SDK1: variants seen among roughly 807,000 people sequenced by gnomAD.
The protein encoded by SDK1 is sidekick cell adhesion molecule 1, also known as protein sidekick-1.
In SDK1, 157 loss-of-function variants were observed where a neutral mutation model predicts 245.5. The observed-to-expected ratio is 0.64, with a 90% confidence interval of 0.56 to 0.73. The LOEUF (loss-of-function observed/expected upper bound fraction) is 0.73. Among genes scored for constraint, SDK1 ranks in the 30% least tolerant of loss-of-function variants. SDK1 has a pLI of 0.00. For synonymous variants in SDK1, 1,647 were observed against 1,278.5 expected, an observed-to-expected ratio of 1.29 and a Z score of -6.15; for missense variants, 3,583 against 3,002.3, an observed-to-expected ratio of 1.19 and a Z score of -4.52.
rs193052613 is a variant in SDK1 at position 3,409,943 on chromosome 7, A to G, written c.298+108059A>G. 2.6e-4 allele frequency among the ~76,000 whole-genome samples: 39 copies of G among 152,246 alleles called. 1 individual carries two copies. The highest frequency in any genetic ancestry group is 2.8e-4 in the Non-Finnish European group (19 of 68,012). The stretch of plus-strand genomic sequence containing the variant: ...AGAGGTGATCATAACAGGAGCCACT[A>G]TTTGTTGAGTGCATACTAGCTACAG... On this transcript the variant is annotated intron_variant, in intron 1 of 44. Transcript: ENST00000404826.
At chr7:3,344,775 C>G (rs1780450097) in intron 1 of SDK1, among the ~76,000 whole-genome samples, 1 of 152,154 alleles carries the variant, frequency 6.6e-6, no homozygotes, top group Admixed American at 6.5e-5. Flanking sequence ...GCAGGAGTGT[C>G]CCTGGTAGTA....
chr7:3,858,696 A>C (rs1780608831), intron 5 of SDK1, among the ~76,000 whole-genome samples: 1 of 151,892 alleles, frequency 6.6e-6, no homozygotes, highest in African/African-American at 2.4e-5. Flanking sequence ...TTTAAAAGTA[A>C]GCAAAAAACG....
chr7:3,654,467 T>A (rs1783101506), intron 4 of SDK1, among the ~76,000 whole-genome samples: 1 of 152,150 alleles, frequency 6.6e-6, no homozygotes, highest in African/African-American at 2.4e-5. Context: ...TTCTTTCAGA[T>A]TGTCAGGTAG....
At chr7:3,973,640 C>A (rs144222416) in intron 12 of SDK1, among the ~76,000 whole-genome samples, 1 of 151,956 alleles carries the variant, frequency 6.6e-6, no homozygotes, top group Non-Finnish European at 1.5e-5. Flanking sequence ...TGCCTCCTGT[C>A]CAGACAACAC....
At chr7:3,734,966 G>C (rs898610983) in intron 4 of SDK1, among the ~76,000 whole-genome samples, 7 of 152,156 alleles carry the variant, frequency 4.6e-5, no homozygotes, top group African/African-American at 1.7e-4. Flanking sequence ...CTCCCGACGT[G>C]CACATCCCCT....
intron 4 of SDK1, among the ~76,000 whole-genome samples, chr7:3,651,172 G>A (rs369605080): frequency 1.3e-5 from 2 of 151,104 alleles, no homozygotes; most frequent in African/African-American, 2.4e-5. Flanking sequence ...TTCCAGAGTG[G>A]CTGTACCATT....
chr7:4,251,353 C>G (rs1787280719), intron 44 of SDK1, among the ~76,000 whole-genome samples: 1 of 152,148 alleles, frequency 6.6e-6, no homozygotes, highest in African/African-American at 2.4e-5. Flanking sequence ...AAAATGTGCA[C>G]AGAGCAAAGT....
At chr7:3,416,317 T>G (rs570735399) in intron 1 of SDK1, among the ~76,000 whole-genome samples, 1 of 152,244 alleles carries the variant, frequency 6.6e-6, no homozygotes, top group South Asian at 2.1e-4. Context: ...TGTGTTCAGA[T>G]AGTGGAGAAC....
chr7:3,781,807 CTG>C (rs1463536776), intron 4 of SDK1, among the ~76,000 whole-genome samples: 1 of 152,030 alleles, frequency 6.6e-6, no homozygotes, highest in African/African-American at 2.4e-5. Context: ...GCAGAAGACA[CTG>C]TCGAGCAGAA....
chr7:4,147,316 G>T (rs1220151049), intron 29 of SDK1, among the ~76,000 whole-genome samples: 1 of 152,164 alleles, frequency 6.6e-6, no homozygotes, highest in Non-Finnish European at 1.5e-5. Flanking sequence ...CAGTAGCGGG[G>T]ACTACAGGCA....
At chr7:3,727,285 G>T (rs977489227) in intron 4 of SDK1, among the ~76,000 whole-genome samples, 1 of 152,162 alleles carries the variant, frequency 6.6e-6, no homozygotes, top group South Asian at 2.1e-4. Context: ...AGTTCTGTTT[G>T]TTTGTGTCTT....
intron 3 of SDK1, among the ~76,000 whole-genome samples, chr7:3,641,748 G>A (rs968166332): frequency 2.6e-5 from 4 of 152,228 alleles, no homozygotes; most frequent in Non-Finnish European, 5.9e-5. Flanking sequence ...AATGTGCAGC[G>A]TGGGCGCTTT....
intron 1 of SDK1, among the ~76,000 whole-genome samples, chr7:3,442,034 C>T (rs1037553376): frequency 2.6e-5 from 4 of 152,124 alleles, no homozygotes; most frequent in Non-Finnish European, 4.4e-5. Context: ...GCCAGTTGAC[C>T]GTTACGTGTA....
At chr7:3,591,409 G>A (rs955803101) in intron 1 of SDK1, among the ~76,000 whole-genome samples, 17 of 152,332 alleles carry the variant, frequency 1.1e-4, no homozygotes, top group African/African-American at 4.1e-4. Context: ...GCCGCCTAGG[G>A]GAGACCTTCC....
At chr7:3,339,326 A>G (rs1468262848) in intron 1 of SDK1, among the ~76,000 whole-genome samples, 1 of 152,212 alleles carries the variant, frequency 6.6e-6, no homozygotes, top group Admixed American at 6.5e-5. Flanking sequence ...CAAATACTAT[A>G]TACATATAAA....
chr7:3,609,529 T>C (rs1781526570), intron 1 of SDK1, among the ~76,000 whole-genome samples: 1 of 152,032 alleles, frequency 6.6e-6, no homozygotes, highest in African/African-American at 2.4e-5. Context: ...GCCTCCCAAG[T>C]AGCTGGGATT....
intron 1 of SDK1, among the ~76,000 whole-genome samples, chr7:3,411,646 T>C (rs1779207140): frequency 6.6e-6 from 1 of 152,166 alleles, no homozygotes; most frequent in South Asian, 2.1e-4. Flanking sequence ...ATGAAAAATA[T>C]GCTAATTTTA....
chr7:3,956,599 A>G (rs1781282067), intron 7 of SDK1, among the ~76,000 whole-genome samples: 2 of 152,214 alleles, frequency 1.3e-5, no homozygotes, highest in South Asian at 4.1e-4. Context: ...ACCCATGCCT[A>G]GCACTGAGCT....
chr7:3,825,914 C>G (rs932446454), intron 5 of SDK1, among the ~76,000 whole-genome samples: 3 of 152,190 alleles, frequency 2.0e-5, no homozygotes, highest in African/African-American at 7.2e-5. Context: ...TACTAAAAAC[C>G]AATCTGGGGC....
Sources: gnomAD v4.1 joint callset for allele counts (sites outside exome capture counted in the v4.1 genomes callset) on GRCh38, gnomAD v4.1.1 for gene constraint, MANE v1.5 for transcripts, NCBI Gene and HGNC (gene_info 2026-07-23, HGNC 2026-07-21) for gene names.